The following COQ3 variants were observed in gnomAD, a reference collection of about 807,000 sequenced individuals.
COQ3 encodes ubiquinone biosynthesis O-methyltransferase, mitochondrial.
A neutral mutation model predicts 33.1 loss-of-function variants in COQ3; 29 were observed. The observed-to-expected ratio is 0.88, with a 90% CI of 0.65 to 1.19. The LOEUF (loss-of-function observed/expected upper bound fraction) is 1.19, where lower values mean the gene tolerates loss of function less well. Ranked by LOEUF, COQ3 falls within the 50% of genes most tolerant of loss-of-function variation. The pLI, the probability that COQ3 is intolerant of heterozygous loss-of-function variation, is 0.00. For synonymous variants in COQ3, 173 were observed against 157.8 expected (o/e 1.10, Z -0.72); for missense variants, 437 against 430.7 (o/e 1.01, Z -0.13).
intron 6 of COQ3, among the ~76,000 whole-genome samples, chr6:99,370,343 A>ATTTT (rs1774095777): frequency 8.3e-5 from 5 of 60,444 alleles, no homozygotes; most frequent in African/African-American, 3.3e-4. Flanking sequence ...TCTTTTCTTT[A>ATTTT]CTTTTTTTTT....
chr6:99,375,892 A>G, intron 5 of COQ3, 48 bp downstream of exon 5: 2 of 1,600,882 alleles, frequency 1.2e-6, no homozygotes, highest in Non-Finnish European at 1.7e-6. Flanking sequence ...AGATACAAAT[A>G]CACACACTCA....
At position 99,377,417 on chromosome 6, in the gene COQ3, T is replaced by C. The variant is rs1474831820; in HGVS notation, c.455A>G (p.Asp152Gly). The change falls in exon 4 of 7, where the codon GAC becomes GGC. Residue 152 changes from aspartate (D) to glycine (G), a missense_variant. Coordinates refer to ENST00000254759, the MANE Select transcript of COQ3 (RefSeq NM_017421.4). ...TAACAGCCCACCACCACAGCCAACG[T>C]CAAGAATCTTCATCCCCAACAAAGG... ...GKPLLGMKIL[D>G]VGCGGGLLTE... The C allele has an allele frequency of 1.2e-6, 2 of 1,613,690 alleles. No individual in the cohort carries two copies. The highest frequency in any genetic ancestry group is 1.7e-5 in the Admixed American group (1 of 59,960).
intron 3 of COQ3, among the ~76,000 whole-genome samples, chr6:99,378,635 C>A (rs915252246): frequency 1.3e-5 from 2 of 152,042 alleles, no homozygotes; most frequent in African/African-American, 4.8e-5. Flanking sequence ...CCTGATGAGA[C>A]GTGATAATTT....
chr6:99,377,257 AC>A lies in COQ3; in HGVS notation c.486+128del, dbSNP rs1178055767. 1.2e-5 allele frequency: 9 copies of A among 750,486 alleles called. No individual in the cohort carries two copies. The Admixed American group carries it at 1.9e-4, about 16-fold the overall frequency. The allele number at this position is 750,486 out of a possible 1,614,324, so 46.5% of individuals were successfully genotyped here. ...TCTCCAGACCTCAGGTGATCCACCC[AC>A]CCTGGCCTCCCAACATGCATTTCTT... On this transcript the variant is annotated intron_variant, in intron 4 of 6. Coordinates refer to ENST00000254759, the MANE Select transcript of COQ3 (RefSeq NM_017421.4).
intron 2 of COQ3, 70 bp downstream of exon 2, chr6:99,383,628 A>G: frequency 8.2e-7 from 1 of 1,225,176 alleles, no homozygotes; most frequent in East Asian, 2.6e-5. Context: ...GACTGGGTTT[A>G]TTAAAGATAA....
Position 99,394,191 on chromosome 6 carries a change from A to G in COQ3, c.-12T>C. 6.4e-7 allele frequency: 1 copy of G among 1,550,472 alleles called. No individual in the cohort carries two copies. The highest frequency in any genetic ancestry group is 1.2e-5 in the South Asian group (1 of 85,792). Reference sequence around the variant, plus strand: ...CGGCCACTCCACATCGCGACAAACGATCCCACCTCTTTTCCGGTCCCTCCC... The same window carrying G: ...CGGCCACTCCACATCGCGACAAACGGTCCCACCTCTTTTCCGGTCCCTCCC... On this transcript the variant is annotated 5_prime_UTR_variant, in exon 1 of 7. Transcript: ENST00000254759.
At position 99,375,386 on chromosome 6, in the gene COQ3, C is replaced by CT. The variant is rs895746698; in HGVS notation, c.729+553dup. Among the ~76,000 whole-genome samples, 1,115 of 139,032 alleles carry CT rather than the reference C, an allele frequency of 8.0e-3. 29 individuals carry two copies. The highest frequency in any genetic ancestry group is 0.048 in the Admixed American group (660 of 13,758). The allele number at this position is 139,032 out of a possible 152,430, so 91.2% of individuals were successfully genotyped here. ...TCCCGTGTTCAGCACCAATATTTTTCTTTTTTTTTTTTTTTGAGACAGGGT... is the reference window on the plus strand; with the variant it reads ...TCCCGTGTTCAGCACCAATATTTTTCTTTTTTTTTTTTTTTTGAGACAGGGT... On this transcript the variant is annotated intron_variant, in intron 5 of 6. Coordinates refer to ENST00000254759, the MANE Select transcript of COQ3 (RefSeq NM_017421.4).
rs774361147 is a variant in COQ3, at chr6:99,376,147, G to C, written c.522C>G (p.Ile174Met). ...LGRLGASVIG[I>M]DPVDENIKTA... is the part of the protein sequence containing the mutation. Reference sequence around the variant, plus strand: ...TTTTAATGTTCTCATCCACAGGGTCGATTCCAATAACTGAAGCCCCAAGCC... The same window carrying C: ...TTTTAATGTTCTCATCCACAGGGTCCATTCCAATAACTGAAGCCCCAAGCC... The change falls in exon 5 of 7, where the codon ATC becomes ATG. Residue 174 changes from isoleucine to methionine, a missense_variant. Physicochemically the swap from Ile to Met is conservative, Grantham distance 10. Coordinates refer to ENST00000254759, the MANE Select transcript of COQ3 (RefSeq NM_017421.4). 1.2e-6 allele frequency: 2 copies of C among 1,613,994 alleles called. No individual in the cohort carries two copies. Among genetic ancestry groups the C allele is most frequent in the East Asian group, 4.5e-5 (2 of 44,868 alleles).
chr6:99,384,923 G>A (rs901692184), intron 1 of COQ3, among the ~76,000 whole-genome samples: 1 of 152,088 alleles, frequency 6.6e-6, no homozygotes, highest in African/African-American at 2.4e-5. Flanking sequence ...CCAGCCTGGT[G>A]AACATGGTGA....
At position 99,383,776 on chromosome 6, in the gene COQ3, A is replaced by T; in HGVS notation, c.155T>A (p.Val52Asp). 6.3e-7 allele frequency: 1 copy of T among 1,597,588 alleles called. No individual in the cohort carries two copies. Among genetic ancestry groups the T allele is most frequent in the Non-Finnish European group, 8.5e-7 (1 of 1,173,098 alleles). ...LSGTLQIKPG[V>D]FNEYRTIWFK... ...CCATATGGTTCTGTATTCATTGAAA[A>T]CCCCTGGTTTAATCTGTAGAGTCCC... is the stretch of plus-strand genomic sequence containing the variant. Residue 52 changes from valine to aspartate, a missense_variant, in exon 2 of 7, where the codon GTT (valine) becomes GAT (aspartate). Val to Asp is a radical substitution (Grantham distance 152, BLOSUM62 -3). Coordinates refer to ENST00000254759, the MANE Select transcript of COQ3 (RefSeq NM_017421.4).
intron 5 of COQ3, 147 bp downstream of exon 5, chr6:99,375,793 G>A: frequency 1.3e-6 from 1 of 744,754 alleles, no homozygotes. Context: ...CAGCAGAGAT[G>A]CTGTCCCCTC....
intron 1 of COQ3, 72 bp downstream of exon 1, chr6:99,394,002 C>T: frequency 3.0e-6 from 4 of 1,324,270 alleles, no homozygotes; most frequent in South Asian, 1.2e-5. Context: ...ACCGCCCCAC[C>T]CCCGGCGCAT....
intron 3 of COQ3, among the ~76,000 whole-genome samples, chr6:99,378,151 T>C (rs1260647780): frequency 5.6e-5 from 2 of 35,434 alleles, no homozygotes; most frequent in African/African-American, 1.7e-4. Flanking sequence ...TATATATATA[T>C]ATATATTTAG....
rs763813636 is a variant in COQ3, at chr6:99,369,756, C to T, written c.954G>A (p.Trp318Ter). 1 of 1,613,570 alleles carries T rather than the reference C, an allele frequency of 6.2e-7. No homozygotes were observed. The highest frequency in any genetic ancestry group is 8.5e-7 in the Non-Finnish European group (1 of 1,179,688). The change falls in exon 7 of 7, where the codon TGG (tryptophan) becomes TGA (stop). Residue 318 changes from tryptophan (W) to a stop codon, truncating the protein, a stop_gained. Transcript: ENST00000254759. LOFTEE classifies it low-confidence loss of function (END_TRUNC). ...LYNPFSGYWH[W>*]SENTSLNYAA... is the part of the protein sequence containing the mutation. ...CATAGTTAAGGCTGGTATTTTCACT[C>T]CAATGCCAGTAACCTGAGAAGGGGT...
intron 1 of COQ3, among the ~76,000 whole-genome samples, chr6:99,391,500 T>G (rs1459533460): frequency 6.6e-6 from 1 of 152,188 alleles, no homozygotes; most frequent in Non-Finnish European, 1.5e-5. Flanking sequence ...ACATGAGATA[T>G]TATTAAAGAA....
intron 1 of COQ3, among the ~76,000 whole-genome samples, chr6:99,385,303 T>A (rs561216439): frequency 6.6e-6 from 1 of 152,220 alleles, no homozygotes; most frequent in South Asian, 2.1e-4. Flanking sequence ...TTCAATAAAA[T>A]CTACTTAAAA....
chr6:99,373,132 A>G (rs1341101733), intron 5 of COQ3, among the ~76,000 whole-genome samples: 4 of 152,196 alleles, frequency 2.6e-5, no homozygotes, highest in African/African-American at 9.6e-5. Context: ...AAACTCTAAA[A>G]TATCTTAAGA....
At chr6:99,380,439 T>G in intron 2 of COQ3, 98 bp from the exon 3 acceptor site, 1 of 1,315,180 alleles carries the variant, frequency 7.6e-7, no homozygotes, top group Non-Finnish European at 1.1e-6. Flanking sequence ...TTACAATTTA[T>G]TATATTCTAA....
Position 99,376,084 on chromosome 6 carries a change from A to G in COQ3, c.585T>C (p.Asp195=). The change falls in exon 5 of 7, where the codon GAT becomes GAC. Residue 195 remains aspartate, a synonymous_variant. Coordinates refer to ENST00000254759, the MANE Select transcript of COQ3 (RefSeq NM_017421.4). The part of the protein sequence containing the change: ...QCHKSFDPVL[D]KRIEYRVCSL... ...AACACACTCTGTACTCTATTCTCTT[A>G]TCCAGGACTGGATCAAATGATTTAT... is the stretch of plus-strand genomic sequence containing the variant. 1.2e-6 allele frequency: 2 copies of G among 1,614,116 alleles called. No homozygotes were observed. The highest frequency in any genetic ancestry group is 3.3e-4 in the Middle Eastern group (2 of 6,062).
Sources: gnomAD v4.1 joint callset for allele counts (sites outside exome capture counted in the v4.1 genomes callset) on GRCh38, gnomAD v4.1.1 for gene constraint, MANE v1.5 for transcripts, NCBI Gene and HGNC (gene_info 2026-07-23, HGNC 2026-07-21) for gene names.